Variants in HERC1 observed in about 807,000 individuals in gnomAD.
The protein encoded by HERC1 is probable E3 ubiquitin-protein ligase HERC1.
Under a neutral mutation model 554.3 loss-of-function variants are expected in HERC1, and 160 were observed. The observed-to-expected ratio is 0.29, with a 90% CI of 0.25 to 0.33. The LOEUF (loss-of-function observed/expected upper bound fraction) is 0.33. Among genes scored for constraint, HERC1 ranks in the 10% least tolerant of loss-of-function variants. The probability of loss-of-function intolerance (pLI) is 1.00; values close to 1 mark genes in which losing one functional copy is unlikely to be tolerated. For synonymous variants in HERC1, 2,175 were observed against 2,131.7 expected (o/e 1.02, Z -0.56); for missense variants, 4,919 against 5,918.5 (o/e 0.83, Z 5.54).
intron 44 of HERC1, 63 bp from the exon 45 acceptor site, chr15:63,662,084 G>A (rs1225294526): frequency 1.4e-6 from 2 of 1,467,440 alleles, no homozygotes; most frequent in East Asian, 2.3e-5. Context: ...GAAGTACCAA[G>A]TAGATTATTT....
chr15:63,662,115 A>C, intron 44 of HERC1, 94 bp from the exon 45 acceptor site: 2 of 1,210,140 alleles, frequency 1.7e-6, no homozygotes, highest in Non-Finnish European at 2.3e-6. Context: ...ACTTTATTAC[A>C]TATGCTAGAA....
In HERC1 at chr15:63,775,378, A is replaced by G. The variant is rs763076398; in HGVS notation, c.246T>C (p.Leu82=). 3 of 1,613,872 alleles carry G rather than the reference A, an allele frequency of 1.9e-6. No individual in the cohort carries two copies. Among genetic ancestry groups the G allele is most frequent in the African/African-American group, 2.7e-5 (2 of 74,942 alleles). Residue 82 remains leucine (L), a synonymous_variant, in exon 2 of 78, where the codon CTT becomes CTC. Coordinates refer to ENST00000443617, the MANE Select transcript of HERC1 (RefSeq NM_003922.4). The surrounding 1 kb of genome is among the most constrained non-coding windows in gnomAD (Gnocchi z 4.0). The part of the protein sequence containing the change: ...SDEQDHYLDA[L]LSSQLALAKM... ...TTGCCAATGCTAGCTGGCTGCTAAGAAGGGCATCCAAATAGTGGTCCTGCT... is the reference window on the plus strand; with the variant it reads ...TTGCCAATGCTAGCTGGCTGCTAAGGAGGGCATCCAAATAGTGGTCCTGCT...
intron 24 of HERC1, among the ~76,000 whole-genome samples, chr15:63,710,412 A>G (rs2073234346): frequency 6.6e-6 from 1 of 152,220 alleles, no homozygotes; most frequent in African/African-American, 2.4e-5. Context: ...AAAAAACCAA[A>G]TGCATGTGGA....
At chr15:63,648,558 G>C (rs1027676165) in intron 54 of HERC1, among the ~76,000 whole-genome samples, 1 of 152,148 alleles carries the variant, frequency 6.6e-6, no homozygotes, top group Non-Finnish European at 1.5e-5. Context: ...AAGAACCCAA[G>C]TCATAGAAAG....
intron 31 of HERC1, 108 bp from the exon 32 acceptor site, chr15:63,690,755 C>G (rs2072058723): frequency 1.5e-6 from 1 of 673,138 alleles, no homozygotes; most frequent in Admixed American, 2.7e-5. Flanking sequence ...ATGGGTGGAA[C>G]AAACTTGATT....
intron 40 of HERC1, among the ~76,000 whole-genome samples, chr15:63,668,780 CAG>C (rs2070763855): frequency 1.3e-5 from 2 of 152,018 alleles, no homozygotes; most frequent in Admixed American, 6.6e-5. Flanking sequence ...ATATATGAAA[CAG>C]AAACTGAAAA....
At position 63,659,845 on chromosome 15, in the gene HERC1, G is replaced by A; in HGVS notation, c.9315C>T (p.Asp3105=). 3.1e-6 allele frequency: 5 copies of A among 1,613,804 alleles called. No homozygotes were observed. Among genetic ancestry groups the A allele is most frequent in the South Asian group, 2.2e-5 (2 of 91,066 alleles). The change falls in exon 47 of 78, where the codon GAC becomes GAT. Residue 3105 remains aspartate (D), a synonymous_variant. Coordinates refer to ENST00000443617, the MANE Select transcript of HERC1 (RefSeq NM_003922.4). The part of the protein sequence containing the change: ...ELLAGPLGLN[D]RRIVPEPVQF... ...GAACTGGTTCTGGTACAATGCGCCG[G>A]TCATTTAAACCAAGCGGTCCAGCAA...
At chr15:63,779,493 C>T (rs533715983) in intron 1 of HERC1, 4 of 152,220 alleles carry the variant, frequency 2.6e-5, no homozygotes, top group African/African-American at 7.2e-5. Context: ...ACACTAATAA[C>T]GTGAGACATG....
chr15:63,683,852 C>T (rs1037300030), intron 34 of HERC1, among the ~76,000 whole-genome samples: 3 of 152,178 alleles, frequency 2.0e-5, no homozygotes, highest in African/African-American at 7.2e-5. Flanking sequence ...AAGCTGCTGG[C>T]TTGGAATCCT....
At chr15:63,759,820 G>A (rs2075549301) in intron 3 of HERC1, among the ~76,000 whole-genome samples, 1 of 152,102 alleles carries the variant, frequency 6.6e-6, no homozygotes, top group Non-Finnish European at 1.5e-5. Context: ...GAGAGGATAG[G>A]GTCATCTTGG....
At chr15:63,687,396 G>A (rs1378993360) in intron 33 of HERC1, among the ~76,000 whole-genome samples, 1 of 152,124 alleles carries the variant, frequency 6.6e-6, no homozygotes, top group Non-Finnish European at 1.5e-5. Flanking sequence ...AAATTAGTCA[G>A]GTGTGGTGGC....
At chr15:63,717,486 A>G (rs570335514) in intron 21 of HERC1, among the ~76,000 whole-genome samples, 2 of 152,368 alleles carry the variant, frequency 1.3e-5, no homozygotes, top group East Asian at 3.9e-4. Flanking sequence ...TTTTACGATC[A>G]TGTTATCAAG....
chr15:63,676,223 G>A (rs1349673026), intron 37 of HERC1, among the ~76,000 whole-genome samples: 1 of 152,086 alleles, frequency 6.6e-6, no homozygotes, highest in Non-Finnish European at 1.5e-5. Context: ...TCTTAACCAG[G>A]CATCATAAAT....
intron 51 of HERC1, among the ~76,000 whole-genome samples, chr15:63,653,723 T>C (rs936348408): frequency 2.7e-4 from 41 of 152,246 alleles, no homozygotes; most frequent in African/African-American, 9.6e-4. Flanking sequence ...TAAACAGTTA[T>C]ACTGTACTTT....
At chr15:63,614,972 T>G (rs2067752173) in intron 76 of HERC1, among the ~76,000 whole-genome samples, 1 of 152,202 alleles carries the variant, frequency 6.6e-6, no homozygotes. Flanking sequence ...GTTGGTGACC[T>G]GGAGGTAAGC....
intron 33 of HERC1, 37 bp downstream of exon 33, chr15:63,689,552 T>C (rs1343110718): frequency 2.7e-6 from 3 of 1,130,066 alleles, no homozygotes; most frequent in Non-Finnish European, 3.9e-6. Flanking sequence ...TATTCACTTA[T>C]GCTGTTAAGA....
chr15:63,657,155 T>C (rs185167994), intron 48 of HERC1, among the ~76,000 whole-genome samples: 1 of 152,308 alleles, frequency 6.6e-6, no homozygotes, highest in Admixed American at 6.5e-5. Context: ...TAACAATGTA[T>C]GGGAGTTTTA....
intron 26 of HERC1, among the ~76,000 whole-genome samples, chr15:63,696,551 A>C (rs919491543): frequency 1.3e-5 from 2 of 152,182 alleles, no homozygotes; most frequent in Admixed American, 6.5e-5. Context: ...GTTAGAGTAC[A>C]ATAGGAAAAG....
chr15:63,750,748 G>A lies in HERC1; in HGVS notation c.1903-957C>T, dbSNP rs578245636. 2.0e-5 allele frequency among the ~76,000 whole-genome samples: 3 copies of A among 152,206 alleles called. No homozygotes were observed. The South Asian group carries it at 6.2e-4, about 32-fold the overall frequency. On this transcript the variant is annotated intron_variant, in intron 8 of 77. Coordinates refer to ENST00000443617, the MANE Select transcript of HERC1 (RefSeq NM_003922.4). ...GGAGTTCAATACCAGCCTGGACAAT[G>A]TGGCAAGACCCGATCTCCACAAAAA...
Sources: allele counts gnomAD v4.1 joint callset (sites outside exome capture counted in the v4.1 genomes callset), GRCh38; gene constraint gnomAD v4.1.1; non-coding constraint Gnocchi (gnomAD v3.1); transcripts MANE v1.5; gene names NCBI Gene and HGNC (gene_info 2026-07-23, HGNC 2026-07-21).